The following MAP4K3 variants were observed in gnomAD, a reference collection of about 807,000 sequenced individuals.
The protein encoded by MAP4K3 is mitogen-activated protein kinase kinase kinase kinase 3, also known as MAPK/ERK kinase kinase kinase 3.
Under a neutral mutation model 143.5 loss-of-function variants are expected in MAP4K3, and 94 were observed. The observed-to-expected ratio is 0.65, with a 90% CI of 0.55 to 0.78. MAP4K3 has a LOEUF of 0.78. MAP4K3 is among the 30% of genes least tolerant of loss of function. The probability of loss-of-function intolerance (pLI) is 0.00; values close to 1 mark genes in which losing one functional copy is unlikely to be tolerated. For missense variants in MAP4K3, 1,077 were observed against 1,068.1 expected (o/e 1.01, Z -0.12); for synonymous variants, 416 against 347.2 (o/e 1.20, Z -2.20).
chr2:39,274,286 C>T lies in MAP4K3; in HGVS notation c.1795-1744G>A, dbSNP rs183946049. On this transcript the variant is annotated intron_variant, in intron 24 of 33. Transcript: ENST00000263881. ...GGCTGGAGTGCAGTGGCGCGATCTC[C>T]GCTCACTGCAAGCTCCGCCTCCCAG... 1.9e-3 allele frequency among the ~76,000 whole-genome samples: 282 copies of T among 151,050 alleles called. 3 individuals are homozygous for T. The highest frequency in any genetic ancestry group is 8.0e-3 in the East Asian group (41 of 5,134).
chr2:39,417,413 G>A (rs879478641), intron 1 of MAP4K3, among the ~76,000 whole-genome samples: 2 of 152,022 alleles, frequency 1.3e-5, no homozygotes, highest in South Asian at 4.1e-4. Flanking sequence ...TAGAGACGTG[G>A]TTTCACCGTG....
intron 4 of MAP4K3, among the ~76,000 whole-genome samples, chr2:39,343,156 A>T (rs1361164451): frequency 6.6e-6 from 1 of 152,210 alleles, no homozygotes; most frequent in Non-Finnish European, 1.5e-5. Context: ...AATGACTACA[A>T]TATGCCTCTG....
chr2:39,272,475 T>A lies in MAP4K3; in HGVS notation c.1855+7A>T, dbSNP rs770542714. ...ATTGTAAGGTATTTAAAAACTAATA[T>A]ACTTACCAGATATTGATAGCAAGCA... On this transcript the variant is annotated splice_region_variant and intron_variant, in intron 25 of 33. Transcript: ENST00000263881. The A allele has an allele frequency of 6.2e-7, 1 of 1,609,238 alleles. No homozygotes were observed. Among genetic ancestry groups the A allele is most frequent in the Non-Finnish European group, 8.5e-7 (1 of 1,175,940 alleles).
chr2:39,328,463 G>A (rs1314764780), intron 8 of MAP4K3, among the ~76,000 whole-genome samples: 4 of 152,134 alleles, frequency 2.6e-5, no homozygotes, highest in African/African-American at 9.7e-5. Context: ...GCAGAAAACT[G>A]GGAAGGCTAC....
chr2:39,406,933 A>T (rs1018361726), intron 1 of MAP4K3, among the ~76,000 whole-genome samples: 2 of 152,248 alleles, frequency 1.3e-5, no homozygotes, highest in African/African-American at 4.8e-5. Flanking sequence ...CAAGACACAG[A>T]TGTTACAAGA....
At chr2:39,360,120 T>C (rs900071150) in intron 2 of MAP4K3, among the ~76,000 whole-genome samples, 1 of 152,376 alleles carries the variant, frequency 6.6e-6, no homozygotes, top group Admixed American at 6.5e-5. Flanking sequence ...CTGCTTCCTC[T>C]TGAACGCTTG....
intron 29 of MAP4K3, among the ~76,000 whole-genome samples, chr2:39,259,913 T>C (rs1027978689): frequency 2.6e-5 from 4 of 152,208 alleles, no homozygotes; most frequent in Non-Finnish European, 5.9e-5. Flanking sequence ...AAAATACATA[T>C]CACCAAAATC....
intron 1 of MAP4K3, among the ~76,000 whole-genome samples, chr2:39,419,204 A>G (rs997879138): frequency 1.3e-5 from 2 of 152,190 alleles, no homozygotes; most frequent in Admixed American, 1.3e-4. Flanking sequence ...TAATTTTATC[A>G]TGTATTAATA....
At position 39,436,193 on chromosome 2, in the gene MAP4K3, C is replaced by G. The variant is rs146059214; in HGVS notation, c.96+699G>C. ...CTACAACAGGAATGCTGTACCGCTA[C>G]TGGACTTTGAATTCTAACCTTGTCA... On this transcript the variant is annotated intron_variant, in intron 1 of 33. Transcript: ENST00000263881. Among the ~76,000 whole-genome samples, 89 of 152,304 alleles carry G rather than the reference C, an allele frequency of 5.8e-4. 1 individual carries two copies. In the East Asian group the frequency reaches 0.015, roughly 26 times the overall value.
intron 1 of MAP4K3, among the ~76,000 whole-genome samples, chr2:39,415,980 A>AAATATATATATATAT (rs1553318573): frequency 6.8e-5 from 1 of 14,756 alleles, no homozygotes; most frequent in African/African-American, 2.0e-4. Context: ...AAAAAAAAAA[A>AAATATATATATATAT]ATATATATAT....
At chr2:39,268,775 G>C (rs1680888506) in intron 26 of MAP4K3, among the ~76,000 whole-genome samples, 1 of 149,444 alleles carries the variant, frequency 6.7e-6, no homozygotes, top group Non-Finnish European at 1.5e-5. Flanking sequence ...AAATAGCTGT[G>C]ATTACAGGCA....
chr2:39,395,660 C>T (rs1666785068), intron 1 of MAP4K3, among the ~76,000 whole-genome samples: 1 of 152,168 alleles, frequency 6.6e-6, no homozygotes, highest in African/African-American at 2.4e-5. Flanking sequence ...TTTACTGTGA[C>T]ATAACAAAAC....
intron 24 of MAP4K3, among the ~76,000 whole-genome samples, chr2:39,274,420 C>A (rs756231260): frequency 6.6e-6 from 1 of 152,010 alleles, no homozygotes; most frequent in Admixed American, 6.6e-5. Context: ...CGGGGTTTCA[C>A]CGTGTTAGCC....
intron 1 of MAP4K3, among the ~76,000 whole-genome samples, chr2:39,414,891 G>A (rs954782568): frequency 6.6e-5 from 10 of 151,914 alleles, no homozygotes; most frequent in African/African-American, 2.2e-4. Flanking sequence ...AAAAAAAAGA[G>A]TATGTACCAA....
chr2:39,349,625 C>CA (rs1253379973), intron 3 of MAP4K3, among the ~76,000 whole-genome samples: 1 of 150,816 alleles, frequency 6.6e-6, no homozygotes, highest in East Asian at 1.9e-4. Context: ...GTTGGAGAGA[C>CA]AGAGGAGGGA....
At chr2:39,273,925 C>T (rs962703793) in intron 24 of MAP4K3, among the ~76,000 whole-genome samples, 1 of 151,860 alleles carries the variant, frequency 6.6e-6, no homozygotes, top group African/African-American at 2.4e-5. Flanking sequence ...TTCCAGACCA[C>T]ATATCAGTAC....
chr2:39,346,033 C>G (rs890714628), intron 3 of MAP4K3, among the ~76,000 whole-genome samples: 1 of 150,960 alleles, frequency 6.6e-6, no homozygotes, highest in East Asian at 1.9e-4. Context: ...AAGCATACAG[C>G]TGATATAAAA....
At chr2:39,352,640 T>C (rs1665492850) in intron 3 of MAP4K3, among the ~76,000 whole-genome samples, 1 of 152,198 alleles carries the variant, frequency 6.6e-6, no homozygotes, top group Non-Finnish European at 1.5e-5. Flanking sequence ...ATTAATGATA[T>C]TGAACAGTGG....
At chr2:39,430,739 A>G (rs959188089) in intron 1 of MAP4K3, among the ~76,000 whole-genome samples, 6 of 152,226 alleles carry the variant, frequency 3.9e-5, no homozygotes, top group African/African-American at 1.4e-4. Flanking sequence ...GCATATAACA[A>G]TTATGAACAT....
Sources: allele counts gnomAD v4.1 joint callset (sites outside exome capture counted in the v4.1 genomes callset), GRCh38; gene constraint gnomAD v4.1.1; transcripts MANE v1.5; gene names NCBI Gene and HGNC (gene_info 2026-07-23, HGNC 2026-07-21).